The following AFF3 variants were observed in gnomAD, a reference collection of about 807,000 sequenced individuals.
AFF3 encodes the protein AF4/FMR2 family member 3.
In AFF3, 32 loss-of-function variants were observed where a neutral mutation model predicts 129.7. That is an observed-to-expected ratio of 0.25 (90% CI 0.19 to 0.33). AFF3 has a LOEUF of 0.33. Among genes scored for constraint, AFF3 ranks in the 10% least tolerant of loss-of-function variants. The pLI, the probability that AFF3 is intolerant of heterozygous loss-of-function variation, is 1.00. For synonymous variants in AFF3, 644 were observed against 635.4 expected (o/e 1.01, Z -0.20); for missense variants, 1,373 against 1,592.0 (o/e 0.86, Z 2.34).
intron 8 of AFF3, among the ~76,000 whole-genome samples, chr2:99,827,462 T>C (rs1314082761): frequency 6.6e-6 from 1 of 151,994 alleles, no homozygotes; most frequent in East Asian, 1.9e-4. Context: ...GGAAATGCTC[T>C]CTGTACTTCT....
At chr2:99,673,806 G>T (rs1687380168) in intron 11 of AFF3, among the ~76,000 whole-genome samples, 1 of 152,202 alleles carries the variant, frequency 6.6e-6, no homozygotes, top group Non-Finnish European at 1.5e-5. Flanking sequence ...GGGCGAACTG[G>T]GGGGTAAAGA....
intron 7 of AFF3, among the ~76,000 whole-genome samples, chr2:99,992,531 T>C (rs1448119520): frequency 6.6e-6 from 1 of 152,242 alleles, no homozygotes; most frequent in Non-Finnish European, 1.5e-5. Context: ...GGCACAATTA[T>C]CGAACCAGAA....
At position 100,041,459 on chromosome 2, in the gene AFF3, G is replaced by C. The variant is rs575827556; in HGVS notation, c.54-32527C>G. 1.6e-4 allele frequency among the ~76,000 whole-genome samples: 24 copies of C among 152,266 alleles called. No homozygotes were observed. In the South Asian group the frequency reaches 4.8e-3, roughly 30 times the overall value. On this transcript the variant is annotated intron_variant, in intron 4 of 24. Transcript: ENST00000672756. ...GGAAGCTGAGCTAGAGTTTATGCTT[G>C]TCCAATTAATCAAATAACCTCCATG...
chr2:99,671,211 A>T (rs954165125), intron 12 of AFF3, among the ~76,000 whole-genome samples: 1 of 152,236 alleles, frequency 6.6e-6, no homozygotes, highest in Non-Finnish European at 1.5e-5. Context: ...AAGAGTTGAA[A>T]TCATTTGCTT....
At chr2:99,963,587 A>G (rs1677438678) in intron 7 of AFF3, among the ~76,000 whole-genome samples, 1 of 152,014 alleles carries the variant, frequency 6.6e-6, no homozygotes, top group African/African-American at 2.4e-5. Context: ...ATACCTAGAG[A>G]TACCACTAAG....
intron 7 of AFF3, among the ~76,000 whole-genome samples, chr2:99,983,546 G>T (rs1446833131): frequency 6.6e-6 from 1 of 152,164 alleles, no homozygotes; most frequent in African/African-American, 2.4e-5. Context: ...TGACCTTCAA[G>T]GGTCTGCTGT....
At chr2:99,909,853 T>G (rs561165299) in intron 7 of AFF3, among the ~76,000 whole-genome samples, 47 of 152,258 alleles carry the variant, frequency 3.1e-4, no homozygotes, top group Non-Finnish European at 5.3e-4. Flanking sequence ...TTTCCCTATC[T>G]TTATGCAGTT....
At chr2:100,108,478 C>G (rs545525827) in intron 2 of AFF3, among the ~76,000 whole-genome samples, 1 of 152,142 alleles carries the variant, frequency 6.6e-6, no homozygotes, top group South Asian at 2.1e-4. Flanking sequence ...GCCTTGGGCT[C>G]TCTGACAGTA....
At chr2:99,812,882 G>T (rs944586648) in intron 8 of AFF3, among the ~76,000 whole-genome samples, 1 of 151,960 alleles carries the variant, frequency 6.6e-6, no homozygotes, top group East Asian at 1.9e-4. Context: ...GGAACAAATC[G>T]TGTTATTATT....
chr2:99,596,424 C>A (rs937449820), intron 14 of AFF3, among the ~76,000 whole-genome samples: 2 of 152,202 alleles, frequency 1.3e-5, no homozygotes, highest in African/African-American at 2.4e-5. Context: ...TCAATGGCTT[C>A]TAATTTTGTC....
At chr2:99,946,722 A>G (rs1471233023) in intron 7 of AFF3, among the ~76,000 whole-genome samples, 1 of 152,204 alleles carries the variant, frequency 6.6e-6, no homozygotes, top group Admixed American at 6.5e-5. Context: ...TTTTTACTAC[A>G]CATATAAAAT....
rs866846072 is a variant in AFF3, at chr2:99,966,668, C to T, written c.873+39964G>A. ...TCCCGCCACTGCACTCCAGCCTGGG[C>T]GACAGAGCGAGACTCCGTCTCAAAA... On this transcript the variant is annotated intron_variant, in intron 7 of 24. Coordinates refer to ENST00000672756, the MANE Select transcript of AFF3 (RefSeq NM_001386135.1). 4.9e-5 allele frequency among the ~76,000 whole-genome samples: 5 copies of T among 102,884 alleles called. No individual in the cohort carries two copies. In the East Asian group the frequency reaches 1.7e-3, roughly 36 times the overall value. The allele number at this position is 102,884 out of a possible 152,430, so 67.5% of individuals were successfully genotyped here. A position where few individuals can be genotyped will look rare whatever the true frequency, so the allele number is the denominator to read the frequency against.
intron 4 of AFF3, among the ~76,000 whole-genome samples, chr2:100,044,320 C>T (rs1280254981): frequency 2.6e-5 from 4 of 152,202 alleles, no homozygotes; most frequent in Non-Finnish European, 4.4e-5. Context: ...AGGGAAGTGG[C>T]TCTTTCTGTT....
chr2:100,053,410 C>A (rs1450462992), intron 4 of AFF3, among the ~76,000 whole-genome samples: 1 of 152,210 alleles, frequency 6.6e-6, no homozygotes, highest in Non-Finnish European at 1.5e-5. Flanking sequence ...AAACCTGGGA[C>A]CTGTCAATTA....
rs1674080801 is a variant in AFF3 at position 99,546,646 on chromosome 2, T to C, written c.*4828A>G. 4.3e-6 allele frequency: 1 copy of C among 231,558 alleles called. No individual in the cohort carries two copies. The highest frequency in any genetic ancestry group is 2.2e-5 in the African/African-American group (1 of 45,242). 14.3% of individuals were successfully genotyped at this position (231,558 alleles called of 1,614,324 possible). ...AGACTAAAAATGAAGTTAACAAACTTACCCTCCCACATAGGGGATGCTTCA... is the reference window on the plus strand; with the variant it reads ...AGACTAAAAATGAAGTTAACAAACTCACCCTCCCACATAGGGGATGCTTCA... On this transcript the variant is annotated 3_prime_UTR_variant, in exon 25 of 25. Coordinates refer to ENST00000672756, the MANE Select transcript of AFF3 (RefSeq NM_001386135.1).
chr2:99,782,763 G>T (rs10496341), intron 8 of AFF3, among the ~76,000 whole-genome samples: 2,503 of 152,274 alleles, frequency 0.016, 53 homozygotes, highest in East Asian at 0.088. Flanking sequence ...CAAGACTTCT[G>T]CAGGTAACAT....
chr2:99,955,648 T>G lies in AFF3; in HGVS notation c.873+50984A>C, dbSNP rs1676570619. On this transcript the variant is annotated intron_variant, in intron 7 of 24. Transcript: ENST00000672756. Reference sequence around the variant, plus strand: ...GCACAGTCTAATATTGAAGAAAAATTTAATGTTAATGCAAAAATAACATTC... The same window carrying G: ...GCACAGTCTAATATTGAAGAAAAATGTAATGTTAATGCAAAAATAACATTC... Among the ~76,000 whole-genome samples the G allele has an allele frequency of 2.0e-5, 3 of 152,314 alleles. No individual in the cohort carries two copies. In the South Asian group the frequency reaches 6.2e-4, roughly 32 times the overall value.
intron 4 of AFF3, among the ~76,000 whole-genome samples, chr2:100,084,555 C>T (rs1446801658): frequency 3.9e-5 from 6 of 151,920 alleles, no homozygotes; most frequent in South Asian, 2.1e-4. Flanking sequence ...TTTGACAGTT[C>T]GACAGTGAAA....
intron 7 of AFF3, among the ~76,000 whole-genome samples, chr2:99,867,832 G>C (rs1007912254): frequency 1.3e-5 from 2 of 152,284 alleles, no homozygotes; most frequent in South Asian, 4.1e-4. Flanking sequence ...TGGCTACACA[G>C]TGACGCATCC....
Sources: allele counts gnomAD v4.1 joint callset (sites outside exome capture counted in the v4.1 genomes callset), GRCh38; gene constraint gnomAD v4.1.1; transcripts MANE v1.5; gene names NCBI Gene and HGNC (gene_info 2026-07-23, HGNC 2026-07-21).